ZNF704: variants seen among roughly 807,000 people sequenced by gnomAD.
ZNF704 encodes the protein glucocorticoid induced gene 1.
Under a neutral mutation model 44.7 loss-of-function variants are expected in ZNF704, and 10 were observed. That is an observed-to-expected ratio of 0.22 (90% CI 0.14 to 0.38). The LOEUF is 0.38. Ranked by LOEUF, ZNF704 falls within the 10% of genes least tolerant of loss-of-function variation. ZNF704 has a pLI of 1.00. For missense variants in ZNF704, 390 were observed against 545.5 expected (o/e 0.71, Z 2.84); for synonymous variants, 211 against 207.6 (o/e 1.02, Z -0.14).
At chr8:80,685,018 A>C (rs913420098) in intron 4 of ZNF704, among the ~76,000 whole-genome samples, 1 of 152,130 alleles carries the variant, frequency 6.6e-6, no homozygotes, top group Non-Finnish European at 1.5e-5. Flanking sequence ...GGACATCTAA[A>C]GTCTGAATAG....
At chr8:80,728,870 G>T (rs1340487418) in intron 2 of ZNF704, among the ~76,000 whole-genome samples, 1 of 152,178 alleles carries the variant, frequency 6.6e-6, no homozygotes, top group Non-Finnish European at 1.5e-5. Context: ...GAGAAATATA[G>T]TAAGGAATAA....
Position 80,718,973 on chromosome 8 carries a change from C to T in ZNF704, c.222-25866G>A, listed in dbSNP as rs532022786. Reference sequence around the variant, plus strand: ...AGAGTGAGCACTCTACATTTTTTTTCTTTTTTTTTGAGACAGGGTCTCACT... The same window carrying T: ...AGAGTGAGCACTCTACATTTTTTTTTTTTTTTTTTGAGACAGGGTCTCACT... On this transcript the variant is annotated intron_variant, in intron 2 of 8. Transcript: ENST00000327835. Among the ~76,000 whole-genome samples the T allele has an allele frequency of 2.5e-4, 37 of 149,220 alleles. 1 individual carries two copies. Among genetic ancestry groups the T allele is most frequent in the African/African-American group, 9.2e-4 (37 of 40,122 alleles).
chr8:80,764,418 T>A (rs1257993749), intron 2 of ZNF704, among the ~76,000 whole-genome samples: 1 of 152,074 alleles, frequency 6.6e-6, no homozygotes, highest in Non-Finnish European at 1.5e-5. Flanking sequence ...TATAAAACCA[T>A]CAGATCTCAT....
intron 2 of ZNF704, among the ~76,000 whole-genome samples, chr8:80,718,296 A>AT (rs1819102399): frequency 6.6e-6 from 1 of 152,040 alleles, no homozygotes; most frequent in South Asian, 2.1e-4. Context: ...ATTAATCTCT[A>AT]TATCATGCCC....
the ZNF704 span, among the ~76,000 whole-genome samples, chr8:80,879,816 G>T: frequency 3.3e-5 from 5 of 151,968 alleles, no homozygotes; most frequent in African/African-American, 1.2e-4. Context: ...TCCTACTAAT[G>T]ATATTTTCAT....
chr8:80,665,410 G>C (rs185186240), intron 5 of ZNF704, among the ~76,000 whole-genome samples: 100 of 152,246 alleles, frequency 6.6e-4, no homozygotes, highest in African/African-American at 2.2e-3. Flanking sequence ...GGAACTTATA[G>C]TGGGAACTTA....
intron 2 of ZNF704, among the ~76,000 whole-genome samples, chr8:80,751,967 C>T (rs950698848): frequency 1.3e-5 from 2 of 152,122 alleles, no homozygotes; most frequent in Non-Finnish European, 2.9e-5. Context: ...TGGTCTCAAA[C>T]TCCTGACCTC....
At chr8:80,871,692 T>C (rs1809255099) in intron 1 of ZNF704, among the ~76,000 whole-genome samples, 1 of 152,268 alleles carries the variant, frequency 6.6e-6, no homozygotes, top group African/African-American at 2.4e-5. Context: ...ATTTGTTGAA[T>C]AAATGAATGC....
Position 80,630,272 on chromosome 8 carries a change from A to G in ZNF704, c.*11094T>C. ...TGAATGGTGGTAAAATTATATTTCA[A>G]AAGATCTCTAAACATTGGACAGCAT... On this transcript the variant is annotated 3_prime_UTR_variant, in exon 9 of 9. Transcript: ENST00000327835. The G allele has an allele frequency of 6.6e-6, 1 of 152,258 alleles. No individual in the cohort carries two copies. The highest frequency in any genetic ancestry group is 1.9e-4 in the East Asian group (1 of 5,206). The allele number at this position is 152,258 out of a possible 1,614,324, so 9.4% of individuals were successfully genotyped here.
intron 2 of ZNF704, among the ~76,000 whole-genome samples, chr8:80,760,122 G>A (rs1247760620): frequency 6.6e-6 from 1 of 152,152 alleles, no homozygotes; most frequent in East Asian, 1.9e-4. Context: ...CAGCTAAGCT[G>A]TGCCCCTATT....
intron 1 of ZNF704, among the ~76,000 whole-genome samples, chr8:80,824,857 T>C (rs1808344433): frequency 6.6e-6 from 1 of 152,128 alleles, no homozygotes; most frequent in Non-Finnish European, 1.5e-5. Flanking sequence ...TAAAATCCTT[T>C]ACAAACAAAC....
chr8:80,828,743 G>C (rs1283552444), intron 1 of ZNF704, among the ~76,000 whole-genome samples: 3 of 152,160 alleles, frequency 2.0e-5, no homozygotes, highest in Non-Finnish European at 4.4e-5. Flanking sequence ...TAATAGCAGA[G>C]ACTGGTAAAG....
At chr8:80,679,798 C>T (rs1241881389) in intron 4 of ZNF704, among the ~76,000 whole-genome samples, 2 of 152,182 alleles carry the variant, frequency 1.3e-5, no homozygotes, top group Admixed American at 6.5e-5. Flanking sequence ...TGAAGCTCCA[C>T]GCAGTCGTGA....
chr8:80,673,534 G>A (rs2131618182), intron 4 of ZNF704, among the ~76,000 whole-genome samples: 2 of 152,334 alleles, frequency 1.3e-5, no homozygotes, highest in Middle Eastern at 3.4e-3. Flanking sequence ...CTTGATTTAT[G>A]TGCCTGCTAG....
In ZNF704 at chr8:80,682,796, G is replaced by C. The variant is rs76118099; in HGVS notation, c.558+4430C>G. On this transcript the variant is annotated intron_variant, in intron 4 of 8. Transcript: ENST00000327835. ...TTTATTGCTCTTTACAGGGCCTCTC[G>C]TATATTCCTGACAACAGCCACATCA... Among the ~76,000 whole-genome samples, 564 of 152,308 alleles carry C rather than the reference G, an allele frequency of 3.7e-3. 3 individuals carry two copies. The highest frequency in any genetic ancestry group is 0.013 in the African/African-American group (544 of 41,564).
intron 1 of ZNF704, among the ~76,000 whole-genome samples, chr8:80,834,968 A>C (rs1319030631): frequency 6.6e-6 from 1 of 152,162 alleles, no homozygotes; most frequent in African/African-American, 2.4e-5. Context: ...AGTCTTTGCT[A>C]TTGTAAATAG....
intron 2 of ZNF704, among the ~76,000 whole-genome samples, chr8:80,763,195 A>C (rs1282635881): frequency 1.3e-5 from 2 of 152,186 alleles, no homozygotes; most frequent in Non-Finnish European, 2.9e-5. Context: ...CTCTTCTCAC[A>C]GCTCCACTTG....
At chr8:80,651,343 A>C (rs1224317366) in intron 7 of ZNF704, among the ~76,000 whole-genome samples, 8 of 152,360 alleles carry the variant, frequency 5.3e-5, no homozygotes, top group South Asian at 4.1e-4. Context: ...AAATGGGCTA[A>C]ATGCTCCAAT....
intron 3 of ZNF704, among the ~76,000 whole-genome samples, chr8:80,691,646 C>T (rs1818637450): frequency 6.6e-6 from 1 of 152,166 alleles, no homozygotes; most frequent in South Asian, 2.1e-4. Context: ...ATGATCTCAT[C>T]TACTCTCATG....
Sources: allele counts gnomAD v4.1 joint callset (sites outside exome capture counted in the v4.1 genomes callset), GRCh38; gene constraint gnomAD v4.1.1; transcripts MANE v1.5; gene names NCBI Gene and HGNC (gene_info 2026-07-23, HGNC 2026-07-21).